The following DSCAML1 variants were observed in gnomAD, a reference collection of about 807,000 sequenced individuals.
DSCAML1 encodes cell adhesion molecule DSCAML1.
Under a neutral mutation model 200.5 loss-of-function variants are expected in DSCAML1, and 38 were observed. That is an observed-to-expected ratio of 0.19 (90% confidence interval 0.15 to 0.25). The LOEUF (loss-of-function observed/expected upper bound fraction) is 0.25. DSCAML1 is among the 10% of genes least tolerant of loss of function. The probability of loss-of-function intolerance (pLI) is 1.00; values close to 1 mark genes in which losing one functional copy is unlikely to be tolerated. For missense variants in DSCAML1, 2,223 were observed against 2,858.8 expected, an observed-to-expected ratio of 0.78 and a Z score of 5.07; for synonymous variants, 1,215 against 1,165.0, an observed-to-expected ratio of 1.04 and a Z score of -0.87.
rs551398549 is a variant in DSCAML1 at position 117,532,800 on chromosome 11, T to C, written c.512-278A>G. 4.5e-4 allele frequency among the ~76,000 whole-genome samples: 69 copies of C among 151,992 alleles called. 1 individual carries two copies. The highest frequency in any genetic ancestry group is 4.4e-3 in the South Asian group (21 of 4,814). On this transcript the variant is annotated intron_variant, in intron 3 of 32. Transcript: ENST00000651296. ...ACCTCTCTGAGCCTTATCTGTACAA[T>C]AGGATACAAATAATTGGGTGGGTGT...
At chr11:117,524,193 T>C (rs115771667) in intron 5 of DSCAML1, among the ~76,000 whole-genome samples, 2,162 of 152,242 alleles carry the variant, frequency 0.014, 43 homozygotes, top group African/African-American at 0.048. Flanking sequence ...CCACACCAGC[T>C]CCTTGGACCC....
At position 117,518,405 on chromosome 11, in the gene DSCAML1, A is replaced by T; in HGVS notation, c.1510+61T>A. The T allele has an allele frequency of 6.2e-7, 1 of 1,600,126 alleles. No homozygotes were observed. The highest frequency in any genetic ancestry group is 2.2e-5 in the East Asian group (1 of 44,826). ...TACTAATCAGCACAAGAATAATGGT[A>T]ACCACAGAGATGGCAAAGGAACTCA... On this transcript the variant is annotated intron_variant, in intron 7 of 32. Coordinates refer to ENST00000651296, the MANE Select transcript of DSCAML1 (RefSeq NM_020693.4). The surrounding 1 kb of genome is among the most constrained non-coding windows in gnomAD (Gnocchi z 6.3).
intron 1 of DSCAML1, among the ~76,000 whole-genome samples, chr11:117,781,557 C>T (rs1288429839): frequency 6.6e-6 from 1 of 152,196 alleles, no homozygotes; most frequent in African/African-American, 2.4e-5. Context: ...ACCTTGACAG[C>T]TGATTTGGGA....
At chr11:117,556,370 G>T (rs1402562762) in intron 3 of DSCAML1, among the ~76,000 whole-genome samples, 1 of 152,168 alleles carries the variant, frequency 6.6e-6, no homozygotes, top group Non-Finnish European at 1.5e-5. Context: ...GCCACAGAGG[G>T]CCACAGAAGG....
chr11:117,668,167 G>A (rs2053019252), intron 3 of DSCAML1, among the ~76,000 whole-genome samples: 1 of 152,190 alleles, frequency 6.6e-6, no homozygotes, highest in Admixed American at 6.5e-5. Context: ...GCCAAGTAAG[G>A]CAGCAGGAAT....
chr11:117,438,874 C>A lies in DSCAML1; in HGVS notation c.4243+11G>T, dbSNP rs552106469. On this transcript the variant is annotated intron_variant, in intron 24 of 32. Transcript: ENST00000651296. ...TCCCCTATCTTCCCCCGCATCCAGA[C>A]CCCTCCTCACCTCGGATGGAGCTGC... 1 of 1,570,248 alleles carries A rather than the reference C, an allele frequency of 6.4e-7. No homozygotes were observed. The highest frequency in any genetic ancestry group is 8.6e-7 in the Non-Finnish European group (1 of 1,163,808).
At chr11:117,729,317 G>C (rs1339040825) in intron 3 of DSCAML1, among the ~76,000 whole-genome samples, 1 of 152,098 alleles carries the variant, frequency 6.6e-6, no homozygotes, top group Non-Finnish European at 1.5e-5. Flanking sequence ...ATATAAAACT[G>C]TTAGAAGAAA....
intron 3 of DSCAML1, among the ~76,000 whole-genome samples, chr11:117,668,175 A>G (rs1012762335): frequency 1.3e-5 from 2 of 152,230 alleles, no homozygotes; most frequent in African/African-American, 2.4e-5. Context: ...AGGCAGCAGG[A>G]ATACAGTGAG....
intron 3 of DSCAML1, among the ~76,000 whole-genome samples, chr11:117,591,531 G>A (rs1000938520): frequency 2.6e-5 from 4 of 152,214 alleles, no homozygotes; most frequent in Admixed American, 6.5e-5. Flanking sequence ...TGCGAGCCGC[G>A]ATTTGTAATA....
At chr11:117,817,365 C>A in intron 1 of DSCAML1, 1 of 153,016 alleles carries the variant, frequency 6.5e-6, no homozygotes. Flanking sequence ...CTGCGTTCCC[C>A]TCACCCTCAC....
chr11:117,491,959 C>T (rs2137248766), intron 11 of DSCAML1, among the ~76,000 whole-genome samples: 1 of 152,182 alleles, frequency 6.6e-6, no homozygotes, highest in Admixed American at 6.5e-5. Flanking sequence ...GTCTGCACTG[C>T]CAGGTGGGTG....
At chr11:117,730,931 T>C (rs1428763345) in intron 3 of DSCAML1, among the ~76,000 whole-genome samples, 1 of 152,202 alleles carries the variant, frequency 6.6e-6, no homozygotes, top group East Asian at 1.9e-4. Context: ...TGATTCAATT[T>C]ATGTGAATTC....
At chr11:117,483,889 C>A (rs1010393484) in intron 11 of DSCAML1, among the ~76,000 whole-genome samples, 4 of 151,662 alleles carry the variant, frequency 2.6e-5, no homozygotes, top group Non-Finnish European at 4.4e-5. Context: ...ATCGGAAACC[C>A]CCCACCCCCA....
Position 117,431,696 on chromosome 11 carries a change from G to A in DSCAML1, c.5212C>T (p.His1738Tyr). 6.2e-7 allele frequency: 1 copy of A among 1,600,516 alleles called. No homozygotes were observed. The highest frequency in any genetic ancestry group is 8.5e-7 in the Non-Finnish European group (1 of 1,172,224). ...CTTGAGTACCGGTTCCGGGTGCTGT[G>A]GGCTGACTTCACATTCTTCCTGGAC... ...PVSRKNVKSA[H>Y]STRNRYSSQW... The change falls in exon 31 of 33, where the codon CAC becomes TAC. Residue 1738 changes from histidine to tyrosine, a missense_variant. Around this residue, in one of 7 missense-constraint regions of DSCAML1, gnomAD observed 614 missense variants for 739.1 expected, o/e 0.83. Transcript: ENST00000651296.
intron 3 of DSCAML1, among the ~76,000 whole-genome samples, chr11:117,706,989 C>T (rs2053768793): frequency 6.6e-6 from 1 of 152,198 alleles, no homozygotes; most frequent in Non-Finnish European, 1.5e-5. Flanking sequence ...TGCCTCTGTG[C>T]CCAGACACAC....
chr11:117,642,903 G>C lies in DSCAML1; in HGVS notation c.512-110381C>G, dbSNP rs531843772. Among the ~76,000 whole-genome samples, 48 of 152,246 alleles carry C rather than the reference G, an allele frequency of 3.2e-4. No homozygotes were observed. Among genetic ancestry groups the C allele is most frequent in the South Asian group, 2.1e-3 (10 of 4,812 alleles). On this transcript the variant is annotated intron_variant, in intron 3 of 32. Transcript: ENST00000651296. The surrounding 1 kb of genome is among the most constrained non-coding windows in gnomAD (Gnocchi z 4.1). ...ATTGCTTACCCCAGGAAGCCCTCAG[G>C]GAGTAAAAGGAAGAGACGCCAGGAC... is the stretch of plus-strand genomic sequence containing the variant.
At chr11:117,605,880 A>C (rs1023450315) in intron 3 of DSCAML1, among the ~76,000 whole-genome samples, 1 of 151,956 alleles carries the variant, frequency 6.6e-6, no homozygotes, top group African/African-American at 2.4e-5. Context: ...CTGAGCCTCA[A>C]TTTCCTTATC....
At chr11:117,781,025 G>C (rs1038768338) in intron 1 of DSCAML1, among the ~76,000 whole-genome samples, 9 of 152,178 alleles carry the variant, frequency 5.9e-5, no homozygotes, top group Middle Eastern at 3.2e-3. Flanking sequence ...CTTCGGGTGC[G>C]GCGGCTCATG....
At position 117,537,721 on chromosome 11, in the gene DSCAML1, C is replaced by T. The variant is rs181149807; in HGVS notation, c.512-5199G>A. On this transcript the variant is annotated intron_variant, in intron 3 of 32. Coordinates refer to ENST00000651296, the MANE Select transcript of DSCAML1 (RefSeq NM_020693.4). The stretch of plus-strand genomic sequence containing the variant: ...GAAGAGGGCGATCTGGACACAGACA[C>T]GCACCCAGGGAAAGTGCTGTGCAGA... Among the ~76,000 whole-genome samples the T allele has an allele frequency of 9.8e-5, 15 of 152,316 alleles. No homozygotes were observed. The South Asian group carries it at 1.0e-3, about 11-fold the overall frequency.
Sources: gnomAD v4.1 joint callset for allele counts (sites outside exome capture counted in the v4.1 genomes callset) on GRCh38, gnomAD v4.1.1 for gene constraint, gnomAD v4.1.1 regional missense constraint, Gnocchi (gnomAD v3.1) non-coding constraint, MANE v1.5 for transcripts, NCBI Gene and HGNC (gene_info 2026-07-23, HGNC 2026-07-21) for gene names.